Variants in ATF6 observed in about 807,000 individuals in gnomAD.
The protein encoded by ATF6 is cyclic AMP-dependent transcription factor ATF-6 alpha.
In ATF6, 53 loss-of-function variants were observed where a neutral mutation model predicts 83.6. The ratio of observed to expected loss-of-function variants is 0.63; its 90% confidence interval spans 0.51 to 0.80. ATF6 has a LOEUF of 0.80. Ranked by LOEUF, ATF6 falls within the 30% of genes least tolerant of loss-of-function variation. The probability of loss-of-function intolerance (pLI) is 0.00; values close to 1 mark genes in which losing one functional copy is unlikely to be tolerated. For synonymous variants in ATF6, 288 were observed against 285.8 expected, an observed-to-expected ratio of 1.01 and a Z score of -0.08; for missense variants, 744 against 797.9, an observed-to-expected ratio of 0.93 and a Z score of 0.81.
intron 15 of ATF6, among the ~76,000 whole-genome samples, chr1:161,912,979 A>G (rs968999038): frequency 4.6e-5 from 7 of 152,210 alleles, no homozygotes; most frequent in African/African-American, 1.7e-4. Flanking sequence ...CTGTACTCCA[A>G]AGAGAAAGTC....
chr1:161,767,203 T>G (rs1000715608), intron 1 of ATF6, among the ~76,000 whole-genome samples: 1 of 152,204 alleles, frequency 6.6e-6, no homozygotes, highest in African/African-American at 2.4e-5. Context: ...AATTTGGGAT[T>G]GTGTAGGTTC....
chr1:161,821,226 CT>C (rs1685753499), intron 9 of ATF6, 65 bp downstream of exon 9: 2 of 1,148,304 alleles, frequency 1.7e-6, no homozygotes, highest in Admixed American at 2.1e-5. Context: ...TATTCTTTAG[CT>C]TTTGTCATAA....
intron 4 of ATF6, among the ~76,000 whole-genome samples, chr1:161,784,724 T>G (rs1684708439): frequency 6.6e-6 from 1 of 152,224 alleles, no homozygotes; most frequent in Non-Finnish European, 1.5e-5. Flanking sequence ...AATTGTGGTA[T>G]CTTTGTTCCT....
chr1:161,871,254 A>G (rs911611573), intron 14 of ATF6, among the ~76,000 whole-genome samples: 1 of 151,742 alleles, frequency 6.6e-6, no homozygotes, highest in Non-Finnish European at 1.5e-5. Context: ...TTAAGAATAT[A>G]TAGTCAGCTT....
chr1:161,791,658 G>A, intron 5 of ATF6, 121 bp downstream of exon 5: 1 of 1,078,318 alleles, frequency 9.3e-7, no homozygotes, highest in Non-Finnish European at 1.3e-6. Context: ...TTTTTTAATT[G>A]GTGGACCTAT....
chr1:161,963,426 C>T lies in ATF6; in HGVS notation c.*4772C>T, dbSNP rs1339501430. On this transcript the variant is annotated 3_prime_UTR_variant, in exon 16 of 16. Coordinates refer to ENST00000367942, the MANE Select transcript of ATF6 (RefSeq NM_007348.4). ...AACATATTGGTTTGCTAACTTTAAG[C>T]ATTAGGGATTTAGCACACTAAAATA... The T allele has an allele frequency of 2.6e-5, 4 of 152,188 alleles. No individual in the cohort carries two copies. Among genetic ancestry groups the T allele is most frequent in the South Asian group, 2.1e-4 (1 of 4,834 alleles). 9.4% of individuals were successfully genotyped at this position (152,188 alleles called of 1,614,324 possible).
chr1:161,846,461 G>A lies in ATF6; in HGVS notation c.1200G>A (p.Gln400=), dbSNP rs1686488688. ...LNYGPMSMLE[Q]DSRRMNPSVS... ...TTTTTATTTTCAGCATGTTGGAACA[G>A]GATTCCAGGAGAATGAACCCTAGTG... Residue 400 remains glutamine (Q), a synonymous_variant, in exon 10 of 16, where the codon CAG becomes CAA. Transcript: ENST00000367942. 6.2e-7 allele frequency: 1 copy of A among 1,602,042 alleles called. No homozygotes were observed. The highest frequency in any genetic ancestry group is 2.2e-5 in the East Asian group (1 of 44,488).
At position 161,851,170 on chromosome 1, in the gene ATF6, A is replaced by ACACACC. The variant is rs751938401; in HGVS notation, c.1320-551_1320-550insACACCC. Among the ~76,000 whole-genome samples, 24 of 135,580 alleles carry ACACACC rather than the reference A, an allele frequency of 1.8e-4. 1 individual carries two copies. The highest frequency in any genetic ancestry group is 3.0e-4 in the Admixed American group (4 of 13,146). The allele number at this position is 135,580 out of a possible 152,430, so 88.9% of individuals were successfully genotyped here. A position where few individuals can be genotyped will look rare whatever the true frequency, so the allele number is the denominator to read the frequency against. ...CACACACACACACACACACACACAC[A>ACACACC]CCCCTACCTGTTTTACAGATACTAT... is the stretch of plus-strand genomic sequence containing the variant. On this transcript the variant is annotated intron_variant, in intron 10 of 15. Coordinates refer to ENST00000367942, the MANE Select transcript of ATF6 (RefSeq NM_007348.4).
chr1:161,794,463 G>GT (rs1182346575), intron 6 of ATF6, among the ~76,000 whole-genome samples: 2 of 151,822 alleles, frequency 1.3e-5, no homozygotes, highest in Admixed American at 6.6e-5. Flanking sequence ...TTAGTTTTTT[G>GT]TTTTTTTGTT....
intron 9 of ATF6, among the ~76,000 whole-genome samples, chr1:161,824,197 G>A (rs563464125): frequency 2.6e-5 from 4 of 152,030 alleles, no homozygotes; most frequent in Admixed American, 6.6e-5. Context: ...ATTGGCCTGT[G>A]TGCTCTTCCT....
chr1:161,792,077 C>T (rs771559321), intron 5 of ATF6, 47 bp from the exon 6 acceptor site: 88 of 1,532,076 alleles, frequency 5.7e-5, no homozygotes, highest in Non-Finnish European at 7.3e-5. Context: ...TTAGGGCTTG[C>T]GTAATTGCTT....
chr1:161,866,540 G>A (rs111342543), intron 14 of ATF6, among the ~76,000 whole-genome samples: 1,528 of 152,084 alleles, frequency 0.01, 38 homozygotes, highest in African/African-American at 0.035. Context: ...TAATCTATTC[G>A]GCTTTCTTTG....
At chr1:161,789,250 TC>T (rs1684823527) in intron 4 of ATF6, among the ~76,000 whole-genome samples, 1 of 133,128 alleles carries the variant, frequency 7.5e-6, no homozygotes, top group Non-Finnish European at 1.6e-5. Context: ...TTATTCCTTC[TC>T]CTTTTTTTTT....
chr1:161,850,393 G>A (rs1686592417), intron 10 of ATF6, among the ~76,000 whole-genome samples: 1 of 151,924 alleles, frequency 6.6e-6, no homozygotes, highest in African/African-American at 2.4e-5. Context: ...TCTTACCCCA[G>A]TTTCTATAGA....
chr1:161,831,090 A>G (rs1405875469), intron 9 of ATF6, among the ~76,000 whole-genome samples: 1 of 152,214 alleles, frequency 6.6e-6, no homozygotes. Flanking sequence ...AAGAACTCAA[A>G]CAAATTTACA....
chr1:161,856,493 C>T (rs967548575), intron 12 of ATF6, among the ~76,000 whole-genome samples: 1 of 152,196 alleles, frequency 6.6e-6, no homozygotes, highest in African/African-American at 2.4e-5. Context: ...ACCCTCTCTC[C>T]CTTCTGCTTT....
chr1:161,792,396 G>T (rs1684905120), intron 6 of ATF6, 69 bp downstream of exon 6: 21 of 1,444,638 alleles, frequency 1.5e-5, no homozygotes, highest in Middle Eastern at 1.8e-4. Context: ...CATATGATTT[G>T]TTTTAATTCA....
In ATF6 at chr1:161,851,750, G is replaced by A. The variant is rs779393659; in HGVS notation, c.1348G>A (p.Ala450Thr). 2.5e-6 allele frequency: 4 copies of A among 1,613,760 alleles called. No individual in the cohort carries two copies. Among genetic ancestry groups the A allele is most frequent in the South Asian group, 1.1e-5 (1 of 91,036 alleles). ...RYDHSVSNDK[A>T]LMVLTEEPLL... is the part of the protein sequence containing the mutation. ...TGATCATTCTGTTTCAAATGACAAA[G>A]CCCTGATGGTGCTAACTGAAGAACC... The change falls in exon 11 of 16, where the codon GCC becomes ACC. Residue 450 changes from alanine to threonine, a missense_variant. Ala to Thr is a moderately conservative substitution (Grantham distance 58). Transcript: ENST00000367942.
At chr1:161,929,274 A>G (rs377401649) in intron 15 of ATF6, among the ~76,000 whole-genome samples, 7 of 152,190 alleles carry the variant, frequency 4.6e-5, no homozygotes, top group South Asian at 2.1e-4. Context: ...GGTACGGTAA[A>G]CAAAAACAAA....
Sources: gnomAD v4.1 joint callset for allele counts (sites outside exome capture counted in the v4.1 genomes callset) on GRCh38, gnomAD v4.1.1 for gene constraint, MANE v1.5 for transcripts, NCBI Gene and HGNC (gene_info 2026-07-23, HGNC 2026-07-21) for gene names.